SLC17A9: variants seen among roughly 807,000 people sequenced by gnomAD.
SLC17A9 encodes the protein solute carrier family 17 member 9, also known as voltage-gated purine nucleotide uniporter SLC17A9.
In SLC17A9, 49 loss-of-function variants were observed where a neutral mutation model predicts 55.0. That is an observed-to-expected ratio of 0.89 (90% CI 0.71 to 1.13). The LOEUF (loss-of-function observed/expected upper bound fraction) is 1.13. Ranked by LOEUF, SLC17A9 falls within the 50% of genes most tolerant of loss-of-function variation. The probability of loss-of-function intolerance (pLI) is 0.00; values close to 1 mark genes in which losing one functional copy is unlikely to be tolerated. For missense variants in SLC17A9, 526 were observed against 569.3 expected (o/e 0.92, Z 0.77); for synonymous variants, 256 against 247.4 (o/e 1.03, Z -0.32).
rs774158879 is a variant in SLC17A9 at position 62,960,515 on chromosome 20, C to A, written c.409C>A (p.Pro137Thr). Residue 137 changes from proline (P) to threonine (T), a missense_variant, in exon 4 of 13, where the codon CCT becomes ACT. By Grantham distance (38) the Pro-to-Thr change is conservative (BLOSUM62 -1). Transcript: ENST00000370351. ...LMGLLQGVYF[P>T]ALTSLLSQKV... ...TCCACTTGTTGCAGGGGTTTACTTCCCTGCCCTGACCAGCCTGCTGTCGCA... is the reference window on the plus strand; with the variant it reads ...TCCACTTGTTGCAGGGGTTTACTTCACTGCCCTGACCAGCCTGCTGTCGCA... 6.2e-7 allele frequency: 1 copy of A among 1,613,222 alleles called. No homozygotes were observed.
Position 62,968,418 on chromosome 20 carries a change from C to T in SLC17A9, c.*918C>T, listed in dbSNP as rs892824963. The T allele has an allele frequency of 3.9e-5, 6 of 152,280 alleles. No homozygotes were observed. The highest frequency in any genetic ancestry group is 2.6e-4 in the Admixed American group (4 of 15,288). 9.4% of individuals were successfully genotyped at this position (152,280 alleles called of 1,614,324 possible). A position where few individuals can be genotyped will look rare whatever the true frequency, so the allele number is the denominator to read the frequency against. On this transcript the variant is annotated 3_prime_UTR_variant, in exon 13 of 13. Transcript: ENST00000370351. ...GGGGCGGGCCCCACGCACCCCAGAA[C>T]ACACAGACCCACCTTTCTGGCGTTC...
Position 62,956,848 on chromosome 20 carries a change from C to T in SLC17A9, c.143C>T (p.Thr48Ile), listed in dbSNP as rs2065540892. 2 of 1,613,356 alleles carry T rather than the reference C, an allele frequency of 1.2e-6. No individual in the cohort carries two copies. The highest frequency in any genetic ancestry group is 1.7e-5 in the Admixed American group (1 of 60,000). Residue 48 changes from threonine to isoleucine, a missense_variant, in exon 2 of 13, where the codon ACC (threonine) becomes ATC (isoleucine). Coordinates refer to ENST00000370351, the MANE Select transcript of SLC17A9 (RefSeq NM_022082.4). ...GCCCGCTCCAGCATGCCCATCTGCA[C>T]CGTCTCCATGAGCCAGGACTTCGGC... ...YCARSSMPIC[T>I]VSMSQDFGWN... is the part of the protein sequence containing the mutation.
intron 7 of SLC17A9, chr20:62,963,917 G>GCAGCCCTCC: frequency 1.7e-6 from 1 of 597,214 alleles, no homozygotes; most frequent in Non-Finnish European, 3.0e-6. Context: ...TGCTGCGGCT[G>GCAGCCCTCC]CAGCCCTCCC....
Position 62,965,523 on chromosome 20 carries a change from A to C in SLC17A9, c.946-87A>C, listed in dbSNP as rs534557197. The C allele has an allele frequency of 3.1e-6, 4 of 1,274,338 alleles. No individual in the cohort carries two copies. In the Admixed American group the frequency reaches 7.1e-5, roughly 23 times the overall value. The allele number at this position is 1,274,338 out of a possible 1,614,324, so 78.9% of individuals were successfully genotyped here. On this transcript the variant is annotated intron_variant, in intron 9 of 12. Coordinates refer to ENST00000370351, the MANE Select transcript of SLC17A9 (RefSeq NM_022082.4). ...AACCTGACCGTTGTGCGGTGCGCCC[A>C]GGGGGGCTTTCGGGCAGCTGAGTCA...
rs771274361 is a variant in SLC17A9 at position 62,957,459 on chromosome 20, C to A, written c.276C>A (p.Val92=). Residue 92 remains valine, a synonymous_variant, in exon 3 of 13, where the codon GTC becomes GTA. Coordinates refer to ENST00000370351, the MANE Select transcript of SLC17A9 (RefSeq NM_022082.4). ...CCTCCAGGATTGGGGGTGAGAAGGT[C>A]ATCCTGCTGTCAGCCTCTGCCTGGG... ...HLGDRIGGEK[V]ILLSASAWGS... 6.3e-7 allele frequency: 1 copy of A among 1,599,148 alleles called. No homozygotes were observed. The highest frequency in any genetic ancestry group is 8.5e-7 in the Non-Finnish European group (1 of 1,173,392).
At chr20:62,955,233 T>C (rs1430236667) in intron 1 of SLC17A9, among the ~76,000 whole-genome samples, 1 of 151,668 alleles carries the variant, frequency 6.6e-6, no homozygotes, top group Non-Finnish European at 1.5e-5. Context: ...CTGCAACCTC[T>C]GCCTCCCAGG....
Position 62,953,481 on chromosome 20 carries a change from G to A in SLC17A9, c.59+592G>A, listed in dbSNP as rs567039676. 1.7e-3 allele frequency among the ~76,000 whole-genome samples: 259 copies of A among 152,346 alleles called. 1 individual carries two copies. Among genetic ancestry groups the A allele is most frequent in the African/African-American group, 5.8e-3 (240 of 41,592 alleles). On this transcript the variant is annotated intron_variant, in intron 1 of 12. Coordinates refer to ENST00000370351, the MANE Select transcript of SLC17A9 (RefSeq NM_022082.4). ...CTGGGCAGGTGACGCCTCAGAAACCGGGCGAGATGGTGACCGCGGGCCATT... is the reference window on the plus strand; with the variant it reads ...CTGGGCAGGTGACGCCTCAGAAACCAGGCGAGATGGTGACCGCGGGCCATT...
At position 62,963,356 on chromosome 20, in the gene SLC17A9, A is replaced by T. The variant is rs2065605689; in HGVS notation, c.712A>T (p.Lys238Ter). Residue 238 changes from lysine (K) to a stop codon, truncating the protein, a stop_gained, in exon 6 of 13, where the codon AAG becomes TAG. Transcript: ENST00000370351. LOFTEE classifies it high-confidence loss of function. ...AGTCCCCTGGAGACGGCTCTTCCGG[A>T]AGCCTGCTGTCTGGTGAGCTGGGAC... Reference protein sequence around the residue: ...NRVPWRRLFRKPAVWAAVVSQ... With the variant: ...NRVPWRRLFR 6.2e-7 allele frequency: 1 copy of T among 1,613,366 alleles called. No homozygotes were observed. The highest frequency in any genetic ancestry group is 8.5e-7 in the Non-Finnish European group (1 of 1,179,922).
Position 62,963,687 on chromosome 20 carries a change from CG to C in SLC17A9, c.822+12del. 1 of 1,576,412 alleles carries C rather than the reference CG, an allele frequency of 6.3e-7. No homozygotes were observed. On this transcript the variant is annotated splice_region_variant and intron_variant, in intron 7 of 12. Transcript: ENST00000370351. ...GACCTTCCCCGACGCCAAGGTGAGT[CG>C]GGGGCTCCCGCAGGGTGAAGGAGCG...
chr20:62,953,361 C>T, intron 1 of SLC17A9: 1 of 1,446,744 alleles, frequency 6.9e-7, no homozygotes, highest in South Asian at 1.2e-5. Context: ...GACGAGCTCC[C>T]CGCTGGCTTC....
In SLC17A9 at chr20:62,969,403, C is replaced by CAT. The variant is rs1397884935; in HGVS notation, c.*1904_*1905dup. ...TGCTCTCCCCCAGCCCCGGCAACCC[C>CAT]ATTCCACTTTGTGTCTCGACCGTAA... On this transcript the variant is annotated 3_prime_UTR_variant, in exon 13 of 13. Transcript: ENST00000370351. 5.3e-5 allele frequency: 8 copies of CAT among 152,150 alleles called. No individual in the cohort carries two copies. Among genetic ancestry groups the CAT allele is most frequent in the Non-Finnish European group, 1.2e-4 (8 of 68,026 alleles). The allele number at this position is 152,150 out of a possible 1,614,324, so 9.4% of individuals were successfully genotyped here.
chr20:62,954,347 C>T (rs1280188403), intron 1 of SLC17A9, among the ~76,000 whole-genome samples: 1 of 152,232 alleles, frequency 6.6e-6, no homozygotes, highest in African/African-American at 2.4e-5. Flanking sequence ...GCGGCACCCA[C>T]ACTCTCCGGT....
intron 12 of SLC17A9, 34 bp from the exon 13 acceptor site, chr20:62,967,303 G>A (rs775516876): frequency 6.2e-7 from 1 of 1,610,314 alleles, no homozygotes; most frequent in Admixed American, 1.7e-5. Context: ...GGCTGCCCGG[G>A]AGCACTCAGC....
Position 62,958,075 on chromosome 20 carries a change from G to GTATGTGTGTGTGCGTTCCTGTATC in SLC17A9, c.397+496_397+519dup, listed in dbSNP as rs1340011951. Among the ~76,000 whole-genome samples, 1 of 152,082 alleles carries GTATGTGTGTGTGCGTTCCTGTATC rather than the reference G, an allele frequency of 6.6e-6. No individual in the cohort carries two copies. Among genetic ancestry groups the GTATGTGTGTGTGCGTTCCTGTATC allele is most frequent in the Non-Finnish European group, 1.5e-5 (1 of 67,984 alleles). ...TGCGTGTGCATGCCTGTATGCATGT[G>GTATGTGTGTGTGCGTTCCTGTATC]TATGTGTGTGTGCGTTCCTGTATCC... On this transcript the variant is annotated intron_variant, in intron 3 of 12. Transcript: ENST00000370351. The surrounding 1 kb of genome is among the most constrained non-coding windows in gnomAD (Gnocchi z 4.1).
At chr20:62,960,791 G>A (rs996658440) in intron 4 of SLC17A9, among the ~76,000 whole-genome samples, 188 bp downstream of exon 4, 1 of 152,272 alleles carries the variant, frequency 6.6e-6, no homozygotes, top group African/African-American at 2.4e-5. Flanking sequence ...CCCGGGCACC[G>A]CGCTTGCTTT....
rs746806301 is a variant in SLC17A9 at position 62,966,586 on chromosome 20, G to T, written c.1117+6G>T. 8.6e-6 allele frequency: 13 copies of T among 1,511,130 alleles called. No homozygotes were observed. Among genetic ancestry groups the T allele is most frequent in the South Asian group, 1.1e-5 (1 of 87,204 alleles). The allele number at this position is 1,511,130 out of a possible 1,614,324, so 93.6% of individuals were successfully genotyped here. On this transcript the variant is annotated splice_donor_region_variant and intron_variant, in intron 11 of 12. Coordinates refer to ENST00000370351, the MANE Select transcript of SLC17A9 (RefSeq NM_022082.4). ...CTGCGCCGGCTTTCTGTTTGGTGAG[G>T]ACCTTGCCTTACCCCAGCTTTGCCC...
chr20:62,956,121 C>T (rs545974584), intron 1 of SLC17A9, among the ~76,000 whole-genome samples: 56 of 152,362 alleles, frequency 3.7e-4, no homozygotes, highest in South Asian at 6.2e-4. Flanking sequence ...AGATCTCGCC[C>T]GGCCTCCCTC....
chr20:62,966,415 C>A, intron 10 of SLC17A9, 110 bp from the exon 11 acceptor site: 1 of 1,240,358 alleles, frequency 8.1e-7, no homozygotes, highest in Non-Finnish European at 1.1e-6. Context: ...CGTGTCCCAG[C>A]CCCTCCCGTG....
chr20:62,966,700 C>G lies in SLC17A9; in HGVS notation c.1118-3C>G. The G allele has an allele frequency of 6.2e-7, 1 of 1,613,376 alleles. No individual in the cohort carries two copies. The highest frequency in any genetic ancestry group is 8.5e-7 in the Non-Finnish European group (1 of 1,179,782). On this transcript the variant is annotated splice_polypyrimidine_tract_variant and splice_region_variant and intron_variant, in intron 11 of 12. Transcript: ENST00000370351. Reference sequence around the variant, plus strand: ...ATTCTCTCTCGCTCTGGCCTCTTCACAGGTGTGGCCAACACAGCCGGGGCC... The same window carrying G: ...ATTCTCTCTCGCTCTGGCCTCTTCAGAGGTGTGGCCAACACAGCCGGGGCC...
Sources: allele counts gnomAD v4.1 joint callset (sites outside exome capture counted in the v4.1 genomes callset), GRCh38; gene constraint gnomAD v4.1.1; non-coding constraint Gnocchi (gnomAD v3.1); transcripts MANE v1.5; gene names NCBI Gene and HGNC (gene_info 2026-07-23, HGNC 2026-07-21).